BLTP3A: variants seen among roughly 807,000 people sequenced by gnomAD.
The protein encoded by BLTP3A is ICBP90 binding protein 1.
At chr6:34,825,332 A>T in the BLTP3A span, among the ~76,000 whole-genome samples, 272 of 140,966 alleles carry the variant, frequency 1.9e-3, no homozygotes, top group Non-Finnish European at 2.1e-3. Flanking sequence ...TTTGAGATGG[A>T]GTTTCGCTTT....
At chr6:34,792,176 GA>G in the BLTP3A span, 1 of 1,380,218 alleles carries the variant, frequency 7.2e-7, no homozygotes, top group East Asian at 2.9e-5. Flanking sequence ...GAGGTGAGGG[GA>G]CCGCCTCTTC....
At chr6:34,816,338 C>G in the BLTP3A span, among the ~76,000 whole-genome samples, 1 of 152,052 alleles carries the variant, frequency 6.6e-6, no homozygotes, top group East Asian at 1.9e-4. Flanking sequence ...GGCACAGTGG[C>G]TCACATCTGT....
At chr6:34,802,628 T>A in the BLTP3A span, among the ~76,000 whole-genome samples, 10 of 152,130 alleles carry the variant, frequency 6.6e-5, no homozygotes, top group Non-Finnish European at 1.2e-4. Flanking sequence ...CCCAAAGTAC[T>A]GGGATTACAG....
the BLTP3A span, among the ~76,000 whole-genome samples, chr6:34,806,261 ATC>A: frequency 6.6e-6 from 1 of 152,176 alleles, no homozygotes; most frequent in Non-Finnish European, 1.5e-5. Flanking sequence ...GCTCTTAAGG[ATC>A]TCATAGTCCT....
chr6:34,839,748 G>C, the BLTP3A span, among the ~76,000 whole-genome samples: 4 of 152,194 alleles, frequency 2.6e-5, no homozygotes, highest in Admixed American at 6.5e-5. Context: ...CCGGGTGCTC[G>C]CATGCATAAA....
chr6:34,871,452 C>G, the BLTP3A span: 10 of 845,590 alleles, frequency 1.2e-5, no homozygotes, highest in African/African-American at 1.5e-4. Context: ...ATCTGCCATG[C>G]CTCTTATACC....
At chr6:34,834,864 A>G in the BLTP3A span, 24 of 1,612,644 alleles carry the variant, frequency 1.5e-5, no homozygotes, top group Non-Finnish European at 2.0e-5. Flanking sequence ...AAAGAAGAGT[A>G]AGTGTGTTCT....
the BLTP3A span, among the ~76,000 whole-genome samples, chr6:34,853,249 G>C: frequency 1.9e-4 from 29 of 152,156 alleles, no homozygotes; most frequent in Admixed American, 1.9e-3. Flanking sequence ...ATGTGATCAC[G>C]GCTCACTGCG....
chr6:34,867,480 C>A, the BLTP3A span: 1 of 1,613,984 alleles, frequency 6.2e-7, no homozygotes, highest in Non-Finnish European at 8.5e-7. Flanking sequence ...CAGTTCTGGT[C>A]CTGAAGGTGA....
At chr6:34,802,108 G>C in the BLTP3A span, among the ~76,000 whole-genome samples, 1 of 152,126 alleles carries the variant, frequency 6.6e-6, no homozygotes, top group Non-Finnish European at 1.5e-5. Flanking sequence ...ACTTTACCAA[G>C]AATTTGTCAC....
chr6:34,849,303 G>A, the BLTP3A span, among the ~76,000 whole-genome samples: 113 of 152,012 alleles, frequency 7.4e-4, 1 homozygote, highest in African/African-American at 2.6e-3. Context: ...AATTATAGGC[G>A]TGAGCCACTG....
the BLTP3A span, chr6:34,858,308 T>C: frequency 6.2e-7 from 1 of 1,614,194 alleles, no homozygotes; most frequent in Non-Finnish European, 8.5e-7. Context: ...TATGATCACT[T>C]TCCTAAGGTT....
the BLTP3A span, chr6:34,857,958 C>T: frequency 1.3e-6 from 2 of 1,594,766 alleles, no homozygotes. Context: ...TTAGTAGCCA[C>T]AGCTGCATTT....
the BLTP3A span, among the ~76,000 whole-genome samples, chr6:34,811,429 T>C: frequency 6.6e-6 from 1 of 152,028 alleles, no homozygotes; most frequent in Non-Finnish European, 1.5e-5. Context: ...ATGAACAAAA[T>C]AGAAAGTTCA....
the BLTP3A span, among the ~76,000 whole-genome samples, chr6:34,864,779 C>G: frequency 6.6e-6 from 1 of 151,854 alleles, no homozygotes; most frequent in East Asian, 1.9e-4. Flanking sequence ...ACTAGCCTGG[C>G]CAACATGGTA....
At chr6:34,864,064 T>C in the BLTP3A span, 3 of 1,613,758 alleles carry the variant, frequency 1.9e-6, no homozygotes, top group African/African-American at 4.0e-5. Context: ...GCTGCACGAC[T>C]CCGATTTTTC....
the BLTP3A span, chr6:34,821,982 A>G: frequency 6.2e-7 from 1 of 1,614,018 alleles, no homozygotes; most frequent in Non-Finnish European, 8.5e-7. Flanking sequence ...ATTGCAAGTT[A>G]TCAAATGGGG....
the BLTP3A span, among the ~76,000 whole-genome samples, chr6:34,872,113 G>A: frequency 2.6e-5 from 4 of 152,172 alleles, no homozygotes; most frequent in Non-Finnish European, 5.9e-5. Context: ...AGCTGGAGAC[G>A]AATGGTTGCT....
chr6:34,797,068 T>C, the BLTP3A span, among the ~76,000 whole-genome samples: 1,328 of 152,314 alleles, frequency 8.7e-3, 11 homozygotes, highest in Non-Finnish European at 0.011. Flanking sequence ...AGTAGTTTTT[T>C]TTGGCGCATT....
Sources: gnomAD v4.1 joint callset for allele counts (sites outside exome capture counted in the v4.1 genomes callset) on GRCh38, gnomAD v4.1.1 for gene constraint, MANE v1.5 for transcripts, NCBI Gene and HGNC (gene_info 2026-07-23, HGNC 2026-07-21) for gene names.